The following PDE4D variants were observed in gnomAD, a reference collection of about 807,000 sequenced individuals.
PDE4D encodes the protein phosphodiesterase 4D, also known as 3',5'-cyclic-AMP phosphodiesterase 4D.
In PDE4D, 24 loss-of-function variants were observed where a neutral mutation model predicts 87.4. The observed-to-expected ratio is 0.27, with a 90% confidence interval of 0.20 to 0.39. The LOEUF is 0.39. Among genes scored for constraint, PDE4D ranks in the 10% least tolerant of loss-of-function variants. The pLI is 1.00. For missense variants in PDE4D, 714 were observed against 1,041.0 expected (o/e 0.69, Z 4.32); for synonymous variants, 384 against 383.2 (o/e 1.00, Z -0.02).
chr5:60,010,799 G>A (rs1413688584), intron 2 of PDE4D, among the ~76,000 whole-genome samples: 1 of 152,048 alleles, frequency 6.6e-6, no homozygotes, highest in African/African-American at 2.4e-5. Flanking sequence ...AATTTTATAG[G>A]TAGTAATGAT....
chr5:59,764,785 A>G (rs887640762), intron 1 of PDE4D, among the ~76,000 whole-genome samples: 8 of 148,152 alleles, frequency 5.4e-5, no homozygotes, highest in African/African-American at 1.8e-4. Context: ...CCTCCTGTGG[A>G]GCTGGGATTA....
intron 1 of PDE4D, among the ~76,000 whole-genome samples, chr5:59,529,628 T>A (rs895402709): frequency 1.3e-5 from 2 of 152,208 alleles, no homozygotes; most frequent in Admixed American, 1.3e-4. Context: ...CAATTTACCT[T>A]CCTTTGAACT....
chr5:60,078,635 G>T lies in PDE4D; in HGVS notation c.43-89918C>A, dbSNP rs190955928. ...CCCCACTTATGGGTGAGAATAAGTG[G>T]TGTTCAGTTTTCTGTTCCAGTGTTA... On this transcript the variant is annotated intron_variant, in intron 2 of 16. Coordinates refer to the PDE4D transcript ENST00000502484. Among the ~76,000 whole-genome samples the T allele has an allele frequency of 3.0e-4, 46 of 152,246 alleles. 1 individual carries two copies. The highest frequency in any genetic ancestry group is 2.5e-3 in the Admixed American group (39 of 15,302).
At chr5:60,049,010 A>T (rs1769717924) in intron 2 of PDE4D, among the ~76,000 whole-genome samples, 1 of 152,158 alleles carries the variant, frequency 6.6e-6, no homozygotes, top group African/African-American at 2.4e-5. Context: ...CACCAATCAG[A>T]CATAGATTTG....
intron 6 of PDE4D, among the ~76,000 whole-genome samples, chr5:59,004,707 C>G (rs1751238116): frequency 6.6e-6 from 1 of 152,206 alleles, no homozygotes; most frequent in South Asian, 2.1e-4. Flanking sequence ...TTTGTTTTTT[C>G]ACCTATGTGA....
At chr5:59,485,926 G>A (rs1041179980) in intron 1 of PDE4D, among the ~76,000 whole-genome samples, 4 of 151,886 alleles carry the variant, frequency 2.6e-5, no homozygotes, top group Non-Finnish European at 5.9e-5. Context: ...TTTAAAATGA[G>A]TTTGCTATCT....
intron 1 of PDE4D, among the ~76,000 whole-genome samples, chr5:60,304,384 G>A (rs557917460): frequency 6.8e-4 from 101 of 148,650 alleles, no homozygotes; most frequent in African/African-American, 2.4e-3. Context: ...GGTGGCTCAC[G>A]CCTGTAATCC....
chr5:59,984,377 G>T (rs916796265), intron 3 of PDE4D, among the ~76,000 whole-genome samples: 1 of 152,180 alleles, frequency 6.6e-6, no homozygotes, highest in African/African-American at 2.4e-5. Flanking sequence ...CAGCCATGAA[G>T]CCTGAATTCG....
intron 1 of PDE4D, among the ~76,000 whole-genome samples, chr5:59,435,759 C>A (rs935806979): frequency 2.0e-5 from 3 of 152,258 alleles, no homozygotes; most frequent in Non-Finnish European, 4.4e-5. Context: ...AAAGAACTGT[C>A]CAAGTCTTTC....
intron 1 of PDE4D, among the ~76,000 whole-genome samples, chr5:60,408,500 G>A (rs910731599): frequency 1.3e-5 from 2 of 152,190 alleles, no homozygotes; most frequent in Admixed American, 6.5e-5. Context: ...AAGTACATAT[G>A]TGACCTTCCT....
chr5:59,735,189 T>C (rs1461923223), intron 1 of PDE4D, among the ~76,000 whole-genome samples: 3 of 152,208 alleles, frequency 2.0e-5, no homozygotes, highest in East Asian at 1.9e-4. Flanking sequence ...TAATGTATCA[T>C]AGAGTGATAT....
chr5:59,600,911 A>G (rs935955216), intron 1 of PDE4D, among the ~76,000 whole-genome samples: 5 of 152,200 alleles, frequency 3.3e-5, no homozygotes, highest in Non-Finnish European at 7.4e-5. Context: ...GGGAGACCCA[A>G]GAGGTTTCTA....
chr5:60,118,343 T>C (rs1319825567), intron 2 of PDE4D, among the ~76,000 whole-genome samples: 1 of 152,140 alleles, frequency 6.6e-6, no homozygotes, highest in Non-Finnish European at 1.5e-5. Context: ...TCCGCTTTTG[T>C]TCCAGTTACT....
chr5:60,170,136 A>G (rs1783283585), intron 2 of PDE4D, among the ~76,000 whole-genome samples: 1 of 152,046 alleles, frequency 6.6e-6, no homozygotes, highest in Non-Finnish European at 1.5e-5. Flanking sequence ...ACATAGCATT[A>G]AGGAATAGCC....
chr5:59,539,967 T>C (rs1816015009), intron 1 of PDE4D, among the ~76,000 whole-genome samples: 1 of 152,178 alleles, frequency 6.6e-6, no homozygotes, highest in African/African-American at 2.4e-5. Context: ...TTTGCACCAG[T>C]GGATCTCAGA....
chr5:59,302,183 T>C (rs916226484), intron 1 of PDE4D, among the ~76,000 whole-genome samples: 3 of 152,128 alleles, frequency 2.0e-5, no homozygotes, highest in Non-Finnish European at 4.4e-5. Flanking sequence ...TTACTGCGCA[T>C]GCAAGGATTA....
intron 1 of PDE4D, among the ~76,000 whole-genome samples, chr5:59,554,297 TCTC>T (rs2153689026): frequency 6.6e-6 from 1 of 152,242 alleles, no homozygotes; most frequent in East Asian, 1.9e-4. Flanking sequence ...TGTATCAACT[TCTC>T]CTTGAATCTT....
chr5:59,440,058 C>T (rs1562192403), intron 1 of PDE4D, among the ~76,000 whole-genome samples: 2 of 152,158 alleles, frequency 1.3e-5, no homozygotes, highest in Non-Finnish European at 2.9e-5. Flanking sequence ...TAAACTGAAA[C>T]ATCTCTCTTA....
In PDE4D at chr5:59,031,391, ATT is replaced by A. The variant is rs1561348176; in HGVS notation, c.921+7466_921+7467del. On this transcript the variant is annotated intron_variant, in intron 6 of 14. Coordinates refer to ENST00000340635, the MANE Select transcript of PDE4D (RefSeq NM_001104631.2). ...TATATATATATATATATATATATAT[ATT>A]ATATATATATATATATATATATAGA... Among the ~76,000 whole-genome samples, 28 of 32,084 alleles carry A rather than the reference ATT, an allele frequency of 8.7e-4. 1 individual carries two copies. The highest frequency in any genetic ancestry group is 4.5e-3 in the African/African-American group (27 of 5,964). 21.0% of individuals were successfully genotyped at this position (32,084 alleles called of 152,430 possible).
Sources: allele counts gnomAD v4.1 joint callset (sites outside exome capture counted in the v4.1 genomes callset), GRCh38; gene constraint gnomAD v4.1.1; transcripts MANE v1.5; gene names NCBI Gene and HGNC (gene_info 2026-07-23, HGNC 2026-07-21).